ITPRIPL1: variants seen among roughly 807,000 people sequenced by gnomAD.
ITPRIPL1 encodes inositol 1,4,5-trisphosphate receptor-interacting protein-like 1.
ITPRIPL1 carries 28 observed loss-of-function variants against 40.0 expected under a neutral mutation model. The ratio of observed to expected loss-of-function variants is 0.70; its 90% CI spans 0.52 to 0.96. The LOEUF is 0.96. Ranked by LOEUF, ITPRIPL1 falls within the 40% of genes least tolerant of loss-of-function variation. ITPRIPL1 has a pLI of 0.00. For synonymous variants in ITPRIPL1, 251 were observed against 275.7 expected (o/e 0.91, Z 0.89); for missense variants, 638 against 698.0 (o/e 0.91, Z 0.97).
downstream of ITPRIPL1, chr2:96,329,152 TATATA>T (rs2064143196): frequency 2.6e-3 from 15 of 5,708 alleles, no homozygotes; most frequent in African/African-American, 0.013. Flanking sequence ...AAAAAAATTA[TATATA>T]TATATATATA....
Position 96,328,323 on chromosome 2 carries a change from CAG to C in ITPRIPL1, c.*27_*28del, listed in dbSNP as rs953061074. On this transcript the variant is annotated 3_prime_UTR_variant, in exon 3 of 3. Coordinates refer to ENST00000439118, the MANE Select transcript of ITPRIPL1 (RefSeq NM_001008949.3). ...GATGTAAAGACCATTAAAAAAAAAA[CAG>C]AGGAAGGTATTTCTAATTCCTTGGG... 6.5e-7 allele frequency: 1 copy of C among 1,544,644 alleles called. No homozygotes were observed. The highest frequency in any genetic ancestry group is 1.4e-5 in the African/African-American group (1 of 72,108).
chr2:96,325,553 A>T lies in ITPRIPL1; in HGVS notation c.-106A>T. 1.8e-6 allele frequency: 1 copy of T among 555,800 alleles called. No homozygotes were observed. Among genetic ancestry groups the T allele is most frequent in the South Asian group, 2.0e-5 (1 of 49,006 alleles). The allele number at this position is 555,800 out of a possible 1,614,324, so 34.4% of individuals were successfully genotyped here. On this transcript the variant is annotated 5_prime_UTR_variant, in exon 1 of 3. Transcript: ENST00000439118. The stretch of plus-strand genomic sequence containing the variant: ...GCTGTCTCTTTAAGATCGTGTTCCT[A>T]CTAACACTGACGGTGAGTAACCTGG...
At position 96,328,296 on chromosome 2, in the gene ITPRIPL1, T is replaced by C; in HGVS notation, c.1665T>C (p.Pro555=). The C allele has an allele frequency of 6.2e-7, 1 of 1,603,672 alleles. No individual in the cohort carries two copies. Among genetic ancestry groups the C allele is most frequent in the Non-Finnish European group, 8.5e-7 (1 of 1,176,196 alleles). The change falls in exon 3 of 3, where the codon CCT becomes CCC. Residue 555 remains proline (P), a synonymous_variant. Coordinates refer to ENST00000439118, the MANE Select transcript of ITPRIPL1 (RefSeq NM_001008949.3). The part of the protein sequence containing the change: ...TLPHAPLAAA[P] ...CTCATGCCCCACTGGCTGCAGCACC[T>C]TGATGTAAAGACCATTAAAAAAAAA...
downstream of ITPRIPL1, chr2:96,328,853 G>A (rs2064140485): frequency 6.5e-6 from 1 of 152,858 alleles, no homozygotes; most frequent in Non-Finnish European, 1.5e-5. Flanking sequence ...ATATAACCAA[G>A]GCCGGTTGCG....
Position 96,327,197 on chromosome 2 carries a change from T to C in ITPRIPL1, c.566T>C (p.Phe189Ser). 1.2e-6 allele frequency: 2 copies of C among 1,614,052 alleles called. No homozygotes were observed. Among genetic ancestry groups the C allele is most frequent in the South Asian group, 1.1e-5 (1 of 91,074 alleles). ...CGTGACCTGCCCTGCACCTGTGAGT[T>C]TGTGGAGAGTTTTGTGGATGATCTC... ...AIRDLPCTCE[F>S]VESFVDDLIE... Residue 189 changes from phenylalanine to serine, a missense_variant, in exon 3 of 3, where the codon TTT becomes TCT. Transcript: ENST00000439118.
downstream of ITPRIPL1, chr2:96,329,184 T>G (rs971727536): frequency 8.5e-6 from 1 of 117,050 alleles, no homozygotes; most frequent in African/African-American, 3.0e-5. Context: ...TATATATATA[T>G]ATATATATAT....
chr2:96,330,247 C>CAAAAAAAA (rs57831992), downstream of ITPRIPL1: 23 of 23,126 alleles, frequency 9.9e-4, 1 homozygote, highest in Non-Finnish European at 1.5e-3. Context: ...GACCGCGTCT[C>CAAAAAAAA]AAAAAAAAAA....
intron 2 of ITPRIPL1, among the ~76,000 whole-genome samples, 176 bp downstream of exon 2, chr2:96,326,025 A>C (rs893132233): frequency 2.0e-5 from 3 of 152,224 alleles, no homozygotes; most frequent in African/African-American, 4.8e-5. Flanking sequence ...CGGGGTATCC[A>C]CTAGCCCCTT....
chr2:96,329,330 T>C (rs2104392767), downstream of ITPRIPL1: 1 of 151,820 alleles, frequency 6.6e-6, no homozygotes, highest in South Asian at 2.1e-4. Flanking sequence ...GTAACCTGTC[T>C]CATAATTGAG....
rs976478910 is a variant in ITPRIPL1 at position 96,325,463 on chromosome 2, G to A, written c.-196G>A. The A allele has an allele frequency of 9.0e-6, 3 of 331,592 alleles. No individual in the cohort carries two copies. Among genetic ancestry groups the A allele is most frequent in the African/African-American group, 4.3e-5 (2 of 46,982 alleles). 20.5% of individuals were successfully genotyped at this position (331,592 alleles called of 1,614,324 possible). ...AAGGGGAGCAGGGCCACTCCCGCGG[G>A]CGGCCCCAGCGATGAACCGGACGCC... On this transcript the variant is annotated 5_prime_UTR_variant, in exon 1 of 3. Coordinates refer to ENST00000439118, the MANE Select transcript of ITPRIPL1 (RefSeq NM_001008949.3).
downstream of ITPRIPL1, chr2:96,329,252 AGTT>A (rs951982811): frequency 4.1e-5 from 6 of 146,280 alleles, no homozygotes; most frequent in Non-Finnish European, 6.0e-5. Flanking sequence ...ATGACAATAG[AGTT>A]GTTTTTATGC....
chr2:96,326,362 A>G, intron 2 of ITPRIPL1: 2 of 1,506,440 alleles, frequency 1.3e-6, no homozygotes, highest in Non-Finnish European at 1.8e-6. Flanking sequence ...AGGAATGAAA[A>G]CAGTCCCATG....
In ITPRIPL1 at chr2:96,327,697, T is replaced by C. The variant is rs545877389; in HGVS notation, c.1066T>C (p.Tyr356His). 1.6e-5 allele frequency: 26 copies of C among 1,613,346 alleles called. No homozygotes were observed. Among genetic ancestry groups the C allele is most frequent in the Non-Finnish European group, 2.2e-5 (26 of 1,179,710 alleles). The stretch of plus-strand genomic sequence containing the variant: ...CACCTCCTGCAAGCTCCGGCTGGAC[T>C]ATCGCTCAGGCCGCTTTCTCTCAAT... ...STTSCKLRLDYRSGRFLSIHL... is the reference protein window; with the variant it reads ...STTSCKLRLDHRSGRFLSIHL... Residue 356 changes from tyrosine to histidine, a missense_variant, in exon 3 of 3, where the codon TAT (tyrosine) becomes CAT (histidine). Tyr to His is a moderately conservative substitution (Grantham distance 83). Coordinates refer to ENST00000439118, the MANE Select transcript of ITPRIPL1 (RefSeq NM_001008949.3).
In ITPRIPL1 at chr2:96,327,669, T is replaced by C; in HGVS notation, c.1038T>C (p.Ser346=). The C allele has an allele frequency of 1.9e-6, 3 of 1,613,416 alleles. No individual in the cohort carries two copies. The highest frequency in any genetic ancestry group is 2.5e-6 in the Non-Finnish European group (3 of 1,179,780). ...KYDFKLSLPP[S]TTSCKLRLDY... is the part of the protein sequence containing the mutation. ...ACTTTAAACTCAGTCTCCCACCGTC[T>C]ACCACCTCCTGCAAGCTCCGGCTGG... Residue 346 remains serine, a synonymous_variant, in exon 3 of 3, where the codon TCT becomes TCC. Transcript: ENST00000439118.
intron 2 of ITPRIPL1, chr2:96,326,320 C>G (rs974653687): frequency 1.6e-5 from 24 of 1,469,684 alleles, no homozygotes; most frequent in Non-Finnish European, 2.0e-5. Context: ...TGAGGCCACC[C>G]TACCACAAGG....
In ITPRIPL1 at chr2:96,327,927, T is replaced by A. The variant is rs1469019682; in HGVS notation, c.1296T>A (p.His432Gln). The change falls in exon 3 of 3, where the codon CAT becomes CAA. Residue 432 changes from histidine (H) to glutamine (Q), a missense_variant. Transcript: ENST00000439118. ...CLQIILSLRQ[H>Q]QSLPHGASRP... is the part of the protein sequence containing the mutation. ...AGATCATTTTAAGTCTCCGGCAGCA[T>A]CAGAGCTTACCCCATGGAGCATCCC... The A allele has an allele frequency of 6.2e-7, 1 of 1,613,958 alleles. No homozygotes were observed. The highest frequency in any genetic ancestry group is 2.2e-5 in the East Asian group (1 of 44,858).
At position 96,327,370 on chromosome 2, in the gene ITPRIPL1, A is replaced by G. The variant is rs1377844727; in HGVS notation, c.739A>G (p.Thr247Ala). The change falls in exon 3 of 3, where the codon ACC becomes GCC. Residue 247 changes from threonine to alanine, a missense_variant. Thr to Ala is a moderately conservative substitution (Grantham distance 58). Coordinates refer to ENST00000439118, the MANE Select transcript of ITPRIPL1 (RefSeq NM_001008949.3). ...GGTGCCCATTGTCCCCCCACAGGGC[A>G]CCATGTTTGTCCTGGAGATGAGGGA... ...ILVPIVPPQGTMFVLEMRDPA... is the reference protein window; with the variant it reads ...ILVPIVPPQGAMFVLEMRDPA... 9 of 1,613,930 alleles carry G rather than the reference A, an allele frequency of 5.6e-6. No homozygotes were observed. Among genetic ancestry groups the G allele is most frequent in the Non-Finnish European group, 6.8e-6 (8 of 1,179,992 alleles).
downstream of ITPRIPL1, chr2:96,330,247 C>CAAAAAAAAAA (rs57831992): frequency 1.7e-4 from 4 of 23,132 alleles, no homozygotes; most frequent in South Asian, 2.3e-3. Context: ...GACCGCGTCT[C>CAAAAAAAAAA]AAAAAAAAAA....
rs774513406 is a variant in ITPRIPL1, at chr2:96,326,812, G to C, written c.181G>C (p.Glu61Gln). ...EMRLLEMEFEERKRAAEQRQK... is the reference protein window; with the variant it reads ...EMRLLEMEFEQRKRAAEQRQK... ...GCGCCTGCTAGAGATGGAGTTTGAA[G>C]AGAGAAAGCGAGCCGCTGAGCAGAG... Residue 61 changes from glutamate to glutamine, a missense_variant, in exon 3 of 3, where the codon GAG becomes CAG. Physicochemically the swap from Glu to Gln is conservative, Grantham distance 29. Coordinates refer to ENST00000439118, the MANE Select transcript of ITPRIPL1 (RefSeq NM_001008949.3). The C allele has an allele frequency of 6.2e-7, 1 of 1,614,214 alleles. No homozygotes were observed. The highest frequency in any genetic ancestry group is 1.1e-5 in the South Asian group (1 of 91,082).
Sources: gnomAD v4.1 joint callset for allele counts (sites outside exome capture counted in the v4.1 genomes callset) on GRCh38, gnomAD v4.1.1 for gene constraint, MANE v1.5 for transcripts, NCBI Gene and HGNC (gene_info 2026-07-23, HGNC 2026-07-21) for gene names.